The following CACNA1D variants were observed in gnomAD, a reference collection of about 807,000 sequenced individuals.
CACNA1D encodes the protein calcium voltage-gated channel subunit alpha1 D.
Under a neutral mutation model 257.1 loss-of-function variants are expected in CACNA1D, and 55 were observed. The observed-to-expected ratio is 0.21, with a 90% CI of 0.17 to 0.27. CACNA1D has a LOEUF of 0.27. Ranked by LOEUF, CACNA1D falls within the 10% of genes least tolerant of loss-of-function variation. CACNA1D has a pLI of 1.00. For synonymous variants in CACNA1D, 980 were observed against 1,014.9 expected (o/e 0.97, Z 0.65); for missense variants, 1,876 against 2,784.0 (o/e 0.67, Z 7.34).
At chr3:53,805,751 C>CCCT (rs202120858) in intron 45 of CACNA1D, among the ~76,000 whole-genome samples, 1 of 145,288 alleles carries the variant, frequency 6.9e-6, no homozygotes, top group Admixed American at 6.8e-5. Flanking sequence ...CCCTCATCTT[C>CCCT]CCTCCTCCTC....
At chr3:53,707,528 T>C (rs975108736) in intron 9 of CACNA1D, among the ~76,000 whole-genome samples, 1 of 152,218 alleles carries the variant, frequency 6.6e-6, no homozygotes, top group African/African-American at 2.4e-5. Flanking sequence ...ATAAATTTGC[T>C]ATTAGAAAGC....
intron 3 of CACNA1D, among the ~76,000 whole-genome samples, chr3:53,600,381 T>C (rs973954169): frequency 2.0e-5 from 3 of 152,234 alleles, no homozygotes; most frequent in African/African-American, 4.8e-5. Context: ...GCTGATCTGG[T>C]ATTTGGGCTG....
At chr3:53,761,919 C>T (rs1449083126) in intron 29 of CACNA1D, 79 bp from the exon 30 acceptor site, 3 of 1,004,246 alleles carry the variant, frequency 3.0e-6, no homozygotes, top group Non-Finnish European at 4.8e-6. Context: ...GGCAGGGACT[C>T]GGATTCGCCC....
chr3:53,572,566 A>G (rs921196046), intron 3 of CACNA1D, among the ~76,000 whole-genome samples: 10 of 151,670 alleles, frequency 6.6e-5, no homozygotes, highest in African/African-American at 2.2e-4. Flanking sequence ...TGCCCAGCTA[A>G]TTTTTGTATT....
At chr3:53,769,834 C>G (rs2095356589) in intron 30 of CACNA1D, 139 bp from the exon 31 acceptor site, 1 of 772,202 alleles carries the variant, frequency 1.3e-6, no homozygotes, top group Non-Finnish European at 2.4e-6. Context: ...AGGAGAGCCA[C>G]TGGTATTTTC....
chr3:53,594,221 A>C (rs535752393), intron 3 of CACNA1D, among the ~76,000 whole-genome samples: 1 of 152,280 alleles, frequency 6.6e-6, no homozygotes, highest in South Asian at 2.1e-4. Context: ...TCAGACAATA[A>C]TTGTATTATT....
chr3:53,776,996 G>C, intron 37 of CACNA1D, 40 bp downstream of exon 37: 1 of 1,474,238 alleles, frequency 6.8e-7, no homozygotes, highest in African/African-American at 1.4e-5. Context: ...CTGTCTTGTA[G>C]AAGCTTGCTT....
intron 3 of CACNA1D, among the ~76,000 whole-genome samples, chr3:53,644,051 CATTT>C (rs1173427407): frequency 3.3e-5 from 5 of 152,156 alleles, no homozygotes; most frequent in African/African-American, 1.2e-4. Context: ...TCATTTTGCC[CATTT>C]ATTTATTCAT....
chr3:53,668,889 AT>A (rs567818923), intron 7 of CACNA1D, among the ~76,000 whole-genome samples: 8 of 152,026 alleles, frequency 5.3e-5, no homozygotes, highest in African/African-American at 1.7e-4. Context: ...TTTGCTTTTG[AT>A]TTTTTCCCCC....
chr3:53,500,302 A>G (rs1028971691), intron 2 of CACNA1D, among the ~76,000 whole-genome samples: 1 of 149,148 alleles, frequency 6.7e-6, no homozygotes, highest in East Asian at 2.0e-4. Context: ...GTGGTGGCAC[A>G]TGACTGTAGT....
chr3:53,585,141 C>A (rs144335203), intron 3 of CACNA1D, among the ~76,000 whole-genome samples: 2 of 150,962 alleles, frequency 1.3e-5, no homozygotes, highest in African/African-American at 2.4e-5. Flanking sequence ...ACCTAGGCTT[C>A]TGTTGAAATG....
intron 3 of CACNA1D, among the ~76,000 whole-genome samples, chr3:53,537,971 C>A (rs2092162820): frequency 6.6e-6 from 1 of 152,016 alleles, no homozygotes; most frequent in African/African-American, 2.4e-5. Context: ...AGAGGAGGCA[C>A]TTAGTATCTG....
chr3:53,684,703 A>G (rs1576344733), intron 8 of CACNA1D, among the ~76,000 whole-genome samples: 1 of 152,026 alleles, frequency 6.6e-6, no homozygotes, highest in African/African-American at 2.4e-5. Context: ...TTTCTAAAAG[A>G]TAATTTAAAG....
intron 22 of CACNA1D, among the ~76,000 whole-genome samples, chr3:53,743,743 G>A (rs1249809929): frequency 6.6e-6 from 1 of 152,278 alleles, no homozygotes; most frequent in East Asian, 1.9e-4. Flanking sequence ...ATCAGGTGTG[G>A]CCTTGCTTTC....
intron 47 of CACNA1D, 55 bp downstream of exon 47, chr3:53,810,353 C>G: frequency 6.5e-7 from 1 of 1,545,504 alleles, no homozygotes; most frequent in South Asian, 1.1e-5. Context: ...AGCAGAGGTG[C>G]AACTGTAACA....
Position 53,809,784 on chromosome 3 carries a change from A to G in CACNA1D, c.5872-194A>G, listed in dbSNP as rs1477420567. On this transcript the variant is annotated intron_variant, in intron 46 of 47. Coordinates refer to ENST00000350061, the MANE Select transcript of CACNA1D (RefSeq NM_001128840.3). ...TGCATTATGGATTCGGGGTAAAAGA[A>G]AGCACAGTCTGCTAGAAAACAAAGT... 1.1e-5 allele frequency: 7 copies of G among 621,554 alleles called. No individual in the cohort carries two copies. In the East Asian group the frequency reaches 1.6e-4, roughly 15 times the overall value. 38.5% of individuals were successfully genotyped at this position (621,554 alleles called of 1,614,324 possible).
At chr3:53,689,013 C>T (rs73842069) in intron 8 of CACNA1D, among the ~76,000 whole-genome samples, 14 of 151,408 alleles carry the variant, frequency 9.2e-5, no homozygotes, top group African/African-American at 3.4e-4. Flanking sequence ...AGTGTAGATT[C>T]CAGCAGCTGC....
intron 3 of CACNA1D, among the ~76,000 whole-genome samples, chr3:53,588,225 G>A (rs771136475): frequency 5.3e-5 from 8 of 152,144 alleles, no homozygotes; most frequent in Non-Finnish European, 8.8e-5. Flanking sequence ...TGTCCTCCTC[G>A]GATTTCAAGG....
chr3:53,625,979 T>TG (rs1266651077), intron 3 of CACNA1D, among the ~76,000 whole-genome samples: 1 of 152,058 alleles, frequency 6.6e-6, no homozygotes, highest in Non-Finnish European at 1.5e-5. Context: ...CAGACTAGGC[T>TG]GGGGTGGGGA....
Sources: gnomAD v4.1 joint callset for allele counts (sites outside exome capture counted in the v4.1 genomes callset) on GRCh38, gnomAD v4.1.1 for gene constraint, MANE v1.5 for transcripts, NCBI Gene and HGNC (gene_info 2026-07-23, HGNC 2026-07-21) for gene names.